Variants in CHST11 observed in about 807,000 individuals in gnomAD.
CHST11 encodes carbohydrate sulfotransferase 11, also known as C4S-1.
In CHST11, 9 loss-of-function variants were observed where a neutral mutation model predicts 30.4. The ratio of observed to expected loss-of-function variants is 0.30; its 90% confidence interval spans 0.18 to 0.52. The LOEUF is 0.52. Among genes scored for constraint, CHST11 ranks in the 20% least tolerant of loss-of-function variants. The pLI, the probability that CHST11 is intolerant of heterozygous loss-of-function variation, is 0.97. For missense variants in CHST11, 348 were observed against 460.6 expected, an observed-to-expected ratio of 0.76 and a Z score of 2.24; for synonymous variants, 152 against 187.8, an observed-to-expected ratio of 0.81 and a Z score of 1.56.
chr12:104,528,894 C>T (rs1161032377), intron 1 of CHST11, among the ~76,000 whole-genome samples: 1 of 152,190 alleles, frequency 6.6e-6, no homozygotes, highest in Admixed American at 6.5e-5. Flanking sequence ...ACTGAATCCA[C>T]TGAGGGCAAC....
chr12:104,478,076 C>T (rs2037581443), intron 1 of CHST11, among the ~76,000 whole-genome samples: 1 of 152,114 alleles, frequency 6.6e-6, no homozygotes, highest in Non-Finnish European at 1.5e-5. Context: ...AGCAACCCCC[C>T]TAACAGGAAG....
chr12:104,644,886 G>A (rs1239619490), intron 2 of CHST11, among the ~76,000 whole-genome samples: 1 of 152,238 alleles, frequency 6.6e-6, no homozygotes, highest in Admixed American at 6.5e-5. Context: ...GCTGGAACAG[G>A]CCCATGGCTT....
chr12:104,726,558 A>G (rs1179275505), intron 2 of CHST11, among the ~76,000 whole-genome samples: 1 of 152,160 alleles, frequency 6.6e-6, no homozygotes, highest in Non-Finnish European at 1.5e-5. Flanking sequence ...GGAGGTGGAC[A>G]GAGGAGGCAA....
At chr12:104,752,266 T>G (rs541833437) in intron 2 of CHST11, among the ~76,000 whole-genome samples, 1 of 152,310 alleles carries the variant, frequency 6.6e-6, no homozygotes. Flanking sequence ...GCATTCTCCC[T>G]GCGTGTCTCT....
chr12:104,718,248 G>T (rs897555652), intron 2 of CHST11, among the ~76,000 whole-genome samples: 1 of 152,218 alleles, frequency 6.6e-6, no homozygotes, highest in Non-Finnish European at 1.5e-5. Context: ...TTTGTGACTT[G>T]CCTGAAGCCA....
chr12:104,620,784 A>G (rs1437675950), intron 2 of CHST11, among the ~76,000 whole-genome samples: 5 of 152,162 alleles, frequency 3.3e-5, no homozygotes, highest in South Asian at 2.1e-4. Context: ...TTTCACTAAC[A>G]CAAAACAAAA....
At chr12:104,655,824 C>A (rs376665368) in intron 2 of CHST11, among the ~76,000 whole-genome samples, 1 of 152,298 alleles carries the variant, frequency 6.6e-6, no homozygotes, top group African/African-American at 2.4e-5. Context: ...TCTTCTGCCC[C>A]GCTCCCTGTA....
At chr12:104,654,284 A>G (rs886841979) in intron 2 of CHST11, among the ~76,000 whole-genome samples, 1 of 152,194 alleles carries the variant, frequency 6.6e-6, no homozygotes, top group East Asian at 1.9e-4. Context: ...AGTACTTGGT[A>G]GAACCCAAAA....
intron 2 of CHST11, among the ~76,000 whole-genome samples, chr12:104,709,175 C>T (rs1272613419): frequency 1.3e-5 from 2 of 152,202 alleles, no homozygotes; most frequent in African/African-American, 4.8e-5. Flanking sequence ...CAGAAAGCAA[C>T]AGAGTTAGCC....
In CHST11 at chr12:104,757,786, T is replaced by TG; in HGVS notation, c.1042_1043insG (p.Tyr348Ter). The TG allele has an allele frequency of 6.2e-7, 1 of 1,611,302 alleles. No individual in the cohort carries two copies. The highest frequency in any genetic ancestry group is 8.5e-7 in the Non-Finnish European group (1 of 1,177,650). Reference protein sequence around the residue: ...FLMFNYSVPSYLKLE With the variant: ...FLMFNYSVPS ...AATGTTCAATTACTCAGTGCCAAGC[T>TG]ACCTGAAATTGGAATAAAGGGGGTG... The change falls in exon 3 of 3, where the codon TAC becomes TGAC. Residue 348 changes from tyrosine to a stop codon, truncating the protein, a stop_gained and frameshift_variant. Coordinates refer to ENST00000303694, the MANE Select transcript of CHST11 (RefSeq NM_018413.6). LOFTEE classifies it high-confidence loss of function. The surrounding 1 kb of genome is among the most constrained non-coding windows in gnomAD (Gnocchi z 6.5).
Position 104,738,469 on chromosome 12 carries a change from G to C in CHST11, c.205-18480G>C, listed in dbSNP as rs2040319922. 2.0e-5 allele frequency among the ~76,000 whole-genome samples: 3 copies of C among 152,228 alleles called. 1 individual carries two copies. The South Asian group carries it at 6.2e-4, about 31-fold the overall frequency. ...CCTGTGCCATGCGTCCATGGCACCT[G>C]TGCTTAATAAAAGCAGTGAACATGA... On this transcript the variant is annotated intron_variant, in intron 2 of 2. Coordinates refer to ENST00000303694, the MANE Select transcript of CHST11 (RefSeq NM_018413.6).
At chr12:104,695,132 C>A (rs1422520830) in intron 2 of CHST11, among the ~76,000 whole-genome samples, 1 of 152,210 alleles carries the variant, frequency 6.6e-6, no homozygotes, top group South Asian at 2.1e-4. Flanking sequence ...CTTTCACAAG[C>A]AACAGGATTT....
intron 1 of CHST11, among the ~76,000 whole-genome samples, chr12:104,598,010 G>A (rs2038923307): frequency 6.6e-6 from 1 of 152,196 alleles, no homozygotes; most frequent in Non-Finnish European, 1.5e-5. Context: ...AGTGAGAATG[G>A]TAGTAGTACC....
intron 1 of CHST11, among the ~76,000 whole-genome samples, chr12:104,466,247 C>T (rs1340563976): frequency 6.6e-6 from 1 of 152,066 alleles, no homozygotes; most frequent in East Asian, 1.9e-4. Flanking sequence ...AATGGGGCTC[C>T]AGGAATGTCT....
intron 2 of CHST11, among the ~76,000 whole-genome samples, chr12:104,693,576 TGGGAGACA>T (rs1431219119): frequency 6.6e-6 from 1 of 152,114 alleles, no homozygotes; most frequent in Non-Finnish European, 1.5e-5. Flanking sequence ...GTCCACTGGA[TGGGAGACA>T]AGAAAGTGGC....
At chr12:104,499,370 C>A (rs1206511199) in intron 1 of CHST11, among the ~76,000 whole-genome samples, 1 of 150,908 alleles carries the variant, frequency 6.6e-6, no homozygotes. Context: ...TGGTCCCCTG[C>A]CTTCATGGAG....
chr12:104,465,745 T>C (rs1445850013), intron 1 of CHST11, among the ~76,000 whole-genome samples: 1 of 152,214 alleles, frequency 6.6e-6, no homozygotes, highest in African/African-American at 2.4e-5. Context: ...CCAGGTTGGA[T>C]TGTCATGTAC....
chr12:104,626,759 C>G (rs1368641387), intron 2 of CHST11, among the ~76,000 whole-genome samples: 4 of 151,802 alleles, frequency 2.6e-5, no homozygotes, highest in Non-Finnish European at 4.4e-5. Context: ...CAGAAAATTC[C>G]CAGACACCCC....
chr12:104,605,593 TAAA>T (rs891339180), intron 2 of CHST11, among the ~76,000 whole-genome samples: 1 of 151,744 alleles, frequency 6.6e-6, no homozygotes, highest in African/African-American at 2.4e-5. Flanking sequence ...AAATAAAAAA[TAAA>T]AAAAAAAGTT....
Sources: allele counts gnomAD v4.1 joint callset (sites outside exome capture counted in the v4.1 genomes callset), GRCh38; gene constraint gnomAD v4.1.1; non-coding constraint Gnocchi (gnomAD v3.1); transcripts MANE v1.5; gene names NCBI Gene and HGNC (gene_info 2026-07-23, HGNC 2026-07-21).